KDELR1: variants seen among roughly 807,000 people sequenced by gnomAD.
KDELR1 encodes KDEL endoplasmic reticulum protein retention receptor 1.
A neutral mutation model predicts 25.5 loss-of-function variants in KDELR1; 16 were observed. The ratio of observed to expected loss-of-function variants is 0.63; its 90% CI spans 0.43 to 0.95. The LOEUF (loss-of-function observed/expected upper bound fraction) is 0.95. Ranked by LOEUF, KDELR1 falls within the 40% of genes least tolerant of loss-of-function variation. The pLI, the probability that KDELR1 is intolerant of heterozygous loss-of-function variation, is 0.00. For synonymous variants in KDELR1, 121 were observed against 115.0 expected (o/e 1.05, Z -0.33); for missense variants, 159 against 265.2 (o/e 0.60, Z 2.78).
At chr19:48,387,499 T>C (rs1049540313) in intron 3 of KDELR1, among the ~76,000 whole-genome samples, 1 of 151,890 alleles carries the variant, frequency 6.6e-6, no homozygotes, top group African/African-American at 2.4e-5. Context: ...CCTGTCAACA[T>C]GGTGAAACCC....
At chr19:48,388,512 C>A (rs558316932) in intron 3 of KDELR1, among the ~76,000 whole-genome samples, 4 of 152,020 alleles carry the variant, frequency 2.6e-5, no homozygotes, top group Admixed American at 6.6e-5. Flanking sequence ...ATGTTGAAAC[C>A]CTGTCTCTAC....
chr19:48,388,931 G>GAAGGAAAGAAAGAAA (rs1555890279), intron 3 of KDELR1, among the ~76,000 whole-genome samples: 29 of 146,440 alleles, frequency 2.0e-4, no homozygotes, highest in African/African-American at 7.2e-4. Flanking sequence ...AAAGAAAGAA[G>GAAGGAAAGAAAGAAA]GAAAGAAAGA....
chr19:48,390,768 C>A, intron 1 of KDELR1: 1 of 521,098 alleles, frequency 1.9e-6, no homozygotes, highest in East Asian at 3.4e-5. Context: ...GGGGGCAGCC[C>A]AGGCCCCCGA....
At chr19:48,386,323 G>C (rs1050982617) in intron 3 of KDELR1, among the ~76,000 whole-genome samples, 10 of 152,036 alleles carry the variant, frequency 6.6e-5, no homozygotes. Flanking sequence ...CACCATGTTG[G>C]CCAGGCTGGT....
chr19:48,397,107 C>G, the KDELR1 span, among the ~76,000 whole-genome samples: 1 of 151,296 alleles, frequency 6.6e-6, no homozygotes, highest in Non-Finnish European at 1.5e-5. Context: ...CCACCCCACC[C>G]AGCTCTCCAC....
intron 3 of KDELR1, among the ~76,000 whole-genome samples, chr19:48,387,425 G>A (rs1214034817): frequency 6.6e-6 from 1 of 152,106 alleles, no homozygotes; most frequent in East Asian, 1.9e-4. Flanking sequence ...GCTCATGCCT[G>A]TAATCCTAGC....
intron 4 of KDELR1, among the ~76,000 whole-genome samples, chr19:48,383,606 A>G (rs983185506): frequency 6.6e-6 from 1 of 152,166 alleles, no homozygotes; most frequent in Non-Finnish European, 1.5e-5. Context: ...GACCTCCTCA[A>G]GCAATTCTCC....
At chr19:48,388,414 G>A (rs535863027) in intron 3 of KDELR1, among the ~76,000 whole-genome samples, 4 of 152,266 alleles carry the variant, frequency 2.6e-5, no homozygotes, top group South Asian at 2.1e-4. Context: ...AGCCGGGCGC[G>A]GTGGCTCATG....
At chr19:48,393,617 G>C (rs1372342405), upstream of KDELR1, among the ~76,000 whole-genome samples, 1 of 152,184 alleles carries the variant, frequency 6.6e-6, no homozygotes, top group Non-Finnish European at 1.5e-5. This position sits in a 1 kb window ranked among gnomAD's most constrained non-coding sequence, Gnocchi z 5.6. Flanking sequence ...GGCCAGGAGG[G>C]GGGGCTGTGG....
intron 4 of KDELR1, among the ~76,000 whole-genome samples, chr19:48,383,573 T>C (rs1201717546): frequency 5.3e-5 from 8 of 152,168 alleles, no homozygotes; most frequent in Non-Finnish European, 1.2e-4. Context: ...TGCAGTGGCA[T>C]AGTCACAGCT....
chr19:48,383,691 T>G (rs1481585656), intron 4 of KDELR1, among the ~76,000 whole-genome samples: 5 of 151,902 alleles, frequency 3.3e-5, no homozygotes, highest in Admixed American at 3.3e-4. Context: ...TTTTTTTATT[T>G]TTTATAGTGA....
In KDELR1 at chr19:48,389,524, C is replaced by A. The variant is rs1233871364; in HGVS notation, c.351+29G>T. 1.4e-5 allele frequency: 23 copies of A among 1,613,034 alleles called. No individual in the cohort carries two copies. In the Middle Eastern group the frequency reaches 7.0e-4, roughly 49 times the overall value. ...AGCTACTCTGCCACAACCATCCCCC[C>A]AAATAAGGAGTCACAGCAAGGCGCC... On this transcript the variant is annotated intron_variant, in intron 3 of 4. Coordinates refer to ENST00000330720, the MANE Select transcript of KDELR1 (RefSeq NM_006801.3).
Position 48,382,947 on chromosome 19 carries a change from A to C in KDELR1, c.*346T>G. On this transcript the variant is annotated 3_prime_UTR_variant, in exon 5 of 5. Transcript: ENST00000330720. The stretch of plus-strand genomic sequence containing the variant: ...GGGAGGGAGCCGAGGGGCCTGGGGA[A>C]GGGAAAAGATCTTGGACCCTGCCCC... 4.0e-6 allele frequency: 1 copy of C among 249,130 alleles called. No individual in the cohort carries two copies. Among genetic ancestry groups the C allele is most frequent in the East Asian group, 1.0e-4 (1 of 9,580 alleles). 15.4% of individuals were successfully genotyped at this position (249,130 alleles called of 1,614,324 possible).
intron 3 of KDELR1, among the ~76,000 whole-genome samples, chr19:48,386,623 T>G (rs879353340): frequency 3.3e-5 from 5 of 151,428 alleles, no homozygotes; most frequent in Non-Finnish European, 5.9e-5. Flanking sequence ...AATTTTTGTA[T>G]TTTTAATAGA....
chr19:48,393,651 G>C (rs1284956561), upstream of KDELR1, among the ~76,000 whole-genome samples: 4 of 152,122 alleles, frequency 2.6e-5, no homozygotes, highest in Admixed American at 1.3e-4. The surrounding 1 kb of genome is among the most constrained non-coding windows in gnomAD (Gnocchi z 5.6). Context: ...GGCAGACGGG[G>C]ACTGAATGTT....
At chr19:48,395,111 T>C (rs1970622179), upstream of KDELR1, among the ~76,000 whole-genome samples, 1 of 151,000 alleles carries the variant, frequency 6.6e-6, no homozygotes, top group South Asian at 2.1e-4. Flanking sequence ...CCTCTCTCTC[T>C]CCCTCTCTGA....
chr19:48,394,698 C>G (rs538101382), upstream of KDELR1, among the ~76,000 whole-genome samples: 1,002 of 152,230 alleles, frequency 6.6e-3, 10 homozygotes, highest in Non-Finnish European at 0.011. This position sits in a 1 kb window ranked among gnomAD's most constrained non-coding sequence, Gnocchi z 5.1. Flanking sequence ...TCCAGGTGGC[C>G]GCAACCTTGG....
upstream of KDELR1, among the ~76,000 whole-genome samples, chr19:48,394,574 T>C: frequency 3.9e-5 from 1 of 25,510 alleles, no homozygotes; most frequent in African/African-American, 1.5e-4. This position sits in a 1 kb window ranked among gnomAD's most constrained non-coding sequence, Gnocchi z 5.1. Flanking sequence ...GCACCCCGGG[T>C]GGGCGGAGGG....
upstream of KDELR1, among the ~76,000 whole-genome samples, chr19:48,395,234 ATCTC>A (rs759682370): frequency 1.8e-4 from 26 of 147,200 alleles, no homozygotes; most frequent in South Asian, 8.8e-4. Flanking sequence ...CTGTGCCTCC[ATCTC>A]TCTATCTCAC....
Sources: allele counts gnomAD v4.1 joint callset (sites outside exome capture counted in the v4.1 genomes callset), GRCh38; gene constraint gnomAD v4.1.1; non-coding constraint Gnocchi (gnomAD v3.1); transcripts MANE v1.5; gene names NCBI Gene and HGNC (gene_info 2026-07-23, HGNC 2026-07-21).